PDS5B: variants seen among roughly 807,000 people sequenced by gnomAD.
PDS5B encodes sister chromatid cohesion protein PDS5 homolog B.
In PDS5B, 51 loss-of-function variants were observed where a neutral mutation model predicts 184.1. The observed-to-expected ratio is 0.28, with a 90% CI of 0.22 to 0.35. The LOEUF (loss-of-function observed/expected upper bound fraction) is 0.35. Among genes scored for constraint, PDS5B ranks in the 10% least tolerant of loss-of-function variants. PDS5B has a pLI of 1.00. For missense variants in PDS5B, 1,180 were observed against 1,723.3 expected (o/e 0.68, Z 5.58); for synonymous variants, 566 against 569.2 (o/e 0.99, Z 0.08).
chr13:32,775,097 CTTTTT>C lies in PDS5B; in HGVS notation c.*56_*60del, dbSNP rs368080614. The C allele has an allele frequency of 4.6e-6, 4 of 862,706 alleles. No individual in the cohort carries two copies. Among genetic ancestry groups the C allele is most frequent in the East Asian group, 3.2e-5 (1 of 30,882 alleles). The allele number at this position is 862,706 out of a possible 1,614,324, so 53.4% of individuals were successfully genotyped here. A position where few individuals can be genotyped will look rare whatever the true frequency, so the allele number is the denominator to read the frequency against. ...TTCTCTGTGAAAGCTTTGGAAAAAT[CTTTTT>C]TTTTTTTTTTGGTCAAGCTTGAGGC... On this transcript the variant is annotated 3_prime_UTR_variant, in exon 35 of 35. Coordinates refer to ENST00000315596, the MANE Select transcript of PDS5B (RefSeq NM_015032.4).
At chr13:32,711,142 G>A (rs1356171253) in intron 19 of PDS5B, among the ~76,000 whole-genome samples, 3 of 146,772 alleles carry the variant, frequency 2.0e-5, no homozygotes, top group Non-Finnish European at 4.5e-5. Flanking sequence ...ACAGGCACAC[G>A]CCCCCATGCC....
chr13:32,591,634 A>G (rs1163134636), intron 1 of PDS5B, among the ~76,000 whole-genome samples: 1 of 152,194 alleles, frequency 6.6e-6, no homozygotes, highest in Admixed American at 6.5e-5. Flanking sequence ...ATTTACCAAC[A>G]TTGGACTTTA....
intron 31 of PDS5B, among the ~76,000 whole-genome samples, chr13:32,769,418 C>T (rs541118517): frequency 1.3e-5 from 2 of 152,188 alleles, no homozygotes; most frequent in Admixed American, 1.3e-4. Flanking sequence ...TTCATACATA[C>T]AATTTATTCT....
At chr13:32,618,266 T>C (rs1251067619) in intron 1 of PDS5B, among the ~76,000 whole-genome samples, 1 of 152,208 alleles carries the variant, frequency 6.6e-6, no homozygotes, top group Non-Finnish European at 1.5e-5. Context: ...AAAATCAGTT[T>C]TGTGAGTTAC....
intron 19 of PDS5B, among the ~76,000 whole-genome samples, chr13:32,716,645 G>C (rs1436832905): frequency 7.7e-6 from 1 of 129,306 alleles, no homozygotes; most frequent in Non-Finnish European, 1.7e-5. Flanking sequence ...CCGGCCAGCC[G>C]CCCCGTTTGG....
intron 20 of PDS5B, 53 bp downstream of exon 20, chr13:32,732,277 A>G: frequency 1.6e-6 from 2 of 1,227,240 alleles, no homozygotes; most frequent in Non-Finnish European, 2.4e-6. Flanking sequence ...TTACAAAACA[A>G]ATATTGATGA....
chr13:32,589,137 A>G (rs952112578), intron 1 of PDS5B, among the ~76,000 whole-genome samples: 2 of 152,326 alleles, frequency 1.3e-5, no homozygotes, highest in Admixed American at 1.3e-4. Flanking sequence ...AAACTTAAGG[A>G]TGATCTCCAA....
Position 32,684,082 on chromosome 13 carries a change from A to G in PDS5B, c.1203+59A>G, listed in dbSNP as rs994770305. On this transcript the variant is annotated intron_variant, in intron 11 of 34. Coordinates refer to ENST00000315596, the MANE Select transcript of PDS5B (RefSeq NM_015032.4). The stretch of plus-strand genomic sequence containing the variant: ...CATTTTTAATACTTGAAGTTTAACA[A>G]TATTTGAAAATATATTTAAATATAC... 2.2e-5 allele frequency: 18 copies of G among 817,092 alleles called. 1 individual carries two copies. Among genetic ancestry groups the G allele is most frequent in the Middle Eastern group, 7.9e-4 (2 of 2,546 alleles). 50.6% of individuals were successfully genotyped at this position (817,092 alleles called of 1,614,324 possible).
At position 32,655,273 on chromosome 13, in the gene PDS5B, C is replaced by CTA. The variant is rs958103670; in HGVS notation, c.313-2965_313-2964dup. Among the ~76,000 whole-genome samples the CTA allele has an allele frequency of 1.3e-4, 19 of 147,400 alleles. 1 individual carries two copies. The highest frequency in any genetic ancestry group is 4.8e-4 in the African/African-American group (19 of 39,664). On this transcript the variant is annotated intron_variant, in intron 3 of 34. Coordinates refer to ENST00000315596, the MANE Select transcript of PDS5B (RefSeq NM_015032.4). ...TGTTGTGGTTTTGATTTGCATTTCT[C>CTA]TAATCAGTGATGTTGAGCATTTTTT...
intron 1 of PDS5B, among the ~76,000 whole-genome samples, chr13:32,593,478 T>C (rs2057807605): frequency 6.6e-6 from 1 of 152,142 alleles, no homozygotes; most frequent in Non-Finnish European, 1.5e-5. Flanking sequence ...GTAGCTGGGA[T>C]TACAGGCACC....
chr13:32,592,589 T>C (rs893698805), intron 1 of PDS5B, among the ~76,000 whole-genome samples: 3 of 152,248 alleles, frequency 2.0e-5, no homozygotes, highest in Non-Finnish European at 2.9e-5. Context: ...TTTTTCCCCC[T>C]CTGTCTCTTT....
At chr13:32,635,341 CTTT>C (rs576811097) in intron 1 of PDS5B, among the ~76,000 whole-genome samples, 3 of 103,792 alleles carry the variant, frequency 2.9e-5, no homozygotes, top group East Asian at 2.6e-4. Context: ...CCTGGCCTGT[CTTT>C]TTTTTTTTTT....
intron 14 of PDS5B, 78 bp downstream of exon 14, chr13:32,694,382 T>A: frequency 1.2e-6 from 1 of 862,974 alleles, no homozygotes; most frequent in Non-Finnish European, 1.9e-6. Context: ...TGCTATGTGT[T>A]AAACAATTCT....
intron 6 of PDS5B, among the ~76,000 whole-genome samples, chr13:32,666,667 A>G (rs183043779): frequency 2.0e-5 from 3 of 152,270 alleles, no homozygotes; most frequent in Admixed American, 2.0e-4. Flanking sequence ...ACAAGTATAG[A>G]CTAAGGTGTG....
At chr13:32,603,438 C>G (rs909901384) in intron 1 of PDS5B, among the ~76,000 whole-genome samples, 4 of 152,158 alleles carry the variant, frequency 2.6e-5, no homozygotes, top group African/African-American at 9.7e-5. Flanking sequence ...AGGTTCTTTT[C>G]TGTTCCATTG....
At chr13:32,729,188 C>G (rs138028419) in intron 19 of PDS5B, among the ~76,000 whole-genome samples, 2,320 of 152,122 alleles carry the variant, frequency 0.015, 62 homozygotes, top group African/African-American at 0.054. Flanking sequence ...TGAGTGAGAA[C>G]ATGTGTTGTT....
At chr13:32,677,614 G>C (rs1951107006) in intron 9 of PDS5B, among the ~76,000 whole-genome samples, 2 of 152,002 alleles carry the variant, frequency 1.3e-5, no homozygotes, top group South Asian at 4.1e-4. Flanking sequence ...TCAGGAAGCT[G>C]TATGGGACCA....
Position 32,622,031 on chromosome 13 carries a change from T to C in PDS5B, c.-19-26723T>C, listed in dbSNP as rs372367963. On this transcript the variant is annotated intron_variant, in intron 1 of 34. Coordinates refer to ENST00000315596, the MANE Select transcript of PDS5B (RefSeq NM_015032.4). ...AATGTTAATCTCTTTTTTTCTATTC[T>C]TGATCAGCGTCACCAGAGACCTGCT... 8.9e-4 allele frequency among the ~76,000 whole-genome samples: 136 copies of C among 152,322 alleles called. 4 individuals are homozygous for C. In the South Asian group the frequency reaches 0.027, roughly 30 times the overall value.
At chr13:32,714,556 G>T (rs181675718) in intron 19 of PDS5B, among the ~76,000 whole-genome samples, 4 of 152,116 alleles carry the variant, frequency 2.6e-5, no homozygotes, top group Admixed American at 2.6e-4. Flanking sequence ...AGGCGCACCT[G>T]GGGGGGCTGT....
Sources: gnomAD v4.1 joint callset for allele counts (sites outside exome capture counted in the v4.1 genomes callset) on GRCh38, gnomAD v4.1.1 for gene constraint, MANE v1.5 for transcripts, NCBI Gene and HGNC (gene_info 2026-07-23, HGNC 2026-07-21) for gene names.